Variants in CCDC78 observed in about 807,000 individuals in gnomAD.
CCDC78 encodes coiled-coil domain-containing protein 78.
In CCDC78, 78 loss-of-function variants were observed where a neutral mutation model predicts 61.9. The observed-to-expected ratio is 1.26, with a 90% CI of 1.05 to 1.52. The LOEUF is 1.52. Ranked by LOEUF, CCDC78 falls within the 40% of genes most tolerant of loss-of-function variation. CCDC78 has a pLI of 0.00. For missense variants in CCDC78, 737 were observed against 615.5 expected (o/e 1.20, Z -2.09); for synonymous variants, 287 against 251.9 (o/e 1.14, Z -1.32).
At chr16:726,146 C>G in intron 1 of CCDC78, 61 bp from the exon 2 acceptor site, 1 of 1,550,238 alleles carries the variant, frequency 6.5e-7, no homozygotes, top group East Asian at 2.4e-5. Flanking sequence ...GGCCCCACTC[C>G]CATGCAGTCA....
rs1596645805 is a variant in CCDC78, at chr16:726,378, A to G, written c.-11T>C. 2.0e-6 allele frequency: 3 copies of G among 1,523,850 alleles called. No homozygotes were observed. The highest frequency in any genetic ancestry group is 2.5e-5 in the South Asian group (2 of 81,382). The allele number at this position is 1,523,850 out of a possible 1,614,324, so 94.4% of individuals were successfully genotyped here. A position where few individuals can be genotyped will look rare whatever the true frequency, so the allele number is the denominator to read the frequency against. ...GGCTGCGTGCTCCATAGGCTAGGGA[A>G]CCCTGGCCAGCTCCGAGCCCGGTGC... On this transcript the variant is annotated 5_prime_UTR_variant, in exon 1 of 14. Coordinates refer to ENST00000345165, the MANE Select transcript of CCDC78 (RefSeq NM_001378030.1).
chr16:722,601 T>A lies in CCDC78; in HGVS notation c.*77A>T, dbSNP rs769881632. ...ACTCTGTGGGTTCTATCCTGACTCA[T>A]GTTTTATGGGGGGCTGGGTGGGAGG... On this transcript the variant is annotated 3_prime_UTR_variant, in exon 14 of 14. Transcript: ENST00000345165. 1 of 1,586,334 alleles carries A rather than the reference T, an allele frequency of 6.3e-7. No individual in the cohort carries two copies. The highest frequency in any genetic ancestry group is 8.6e-7 in the Non-Finnish European group (1 of 1,169,288).
Position 725,599 on chromosome 16 carries a change from G to T in CCDC78, c.268-19C>A, listed in dbSNP as rs1396117099. The T allele has an allele frequency of 6.9e-6, 11 of 1,601,618 alleles. No homozygotes were observed. The highest frequency in any genetic ancestry group is 3.4e-5 in the Admixed American group (2 of 59,426). On this transcript the variant is annotated intron_variant, in intron 3 of 13. Transcript: ENST00000345165. ...GAAGGATCTGTGGGACAACTGGCAT[G>T]AGCAGGTGCACCTGCCCGCGGGCCA...
rs780967551 is a variant in CCDC78, at chr16:722,986, G to C, written c.1237C>G (p.Arg413Gly). 1 of 1,612,444 alleles carries C rather than the reference G, an allele frequency of 6.2e-7. No individual in the cohort carries two copies. Residue 413 changes from arginine to glycine, a missense_variant, in exon 13 of 14, where the codon CGG (arginine) becomes GGG (glycine). By Grantham distance (125) the Arg-to-Gly change is moderately radical. Transcript: ENST00000345165. ...LERERAQLLV[R>G]ATMAEEQLSE... ...AGTTGCTCTTCAGCCATCGTGGCCC[G>C]GACCAGCAGCTGTGCCCGCTCCCGT...
intron 1 of CCDC78, 43 bp downstream of exon 1, chr16:726,265 A>T: frequency 6.5e-7 from 1 of 1,549,522 alleles, no homozygotes; most frequent in Non-Finnish European, 8.7e-7. Flanking sequence ...GAACGGGCAG[A>T]CTTCAACCCC....
Position 722,751 on chromosome 16 carries a change from C to T in CCDC78, c.1340G>A (p.Gly447Asp). 6.2e-7 allele frequency: 1 copy of T among 1,612,358 alleles called. No individual in the cohort carries two copies. The highest frequency in any genetic ancestry group is 8.5e-7 in the Non-Finnish European group (1 of 1,179,974). Residue 447 changes from glycine to aspartate, a missense_variant, in exon 14 of 14, where the codon GGT becomes GAT. Physicochemically the swap from Gly to Asp is moderately conservative, Grantham distance 94 (BLOSUM62 -1). Coordinates refer to ENST00000345165, the MANE Select transcript of CCDC78 (RefSeq NM_001378030.1). ...CCCCACTTTCCAGGGGTCCCCTGCA[C>T]CTGCCAGCTTCCTCAGCCTCAGGAT... ...HEILRLRKLA[G>D]AGDPWKVGAV... is the part of the protein sequence containing the mutation.
Position 725,876 on chromosome 16 carries a change from G to T in CCDC78, c.185C>A (p.Ser62Tyr). 6.2e-7 allele frequency: 1 copy of T among 1,609,814 alleles called. No homozygotes were observed. Among genetic ancestry groups the T allele is most frequent in the Non-Finnish European group, 8.5e-7 (1 of 1,178,090 alleles). Residue 62 changes from serine (S) to tyrosine (Y), a missense_variant, in exon 3 of 14, where the codon TCC becomes TAC. Coordinates refer to ENST00000345165, the MANE Select transcript of CCDC78 (RefSeq NM_001378030.1). ...GATCTGAATGTCGACCAGCTCCTTG[G>T]AGATCTGTGGGTGGCCAGGTGAGAG... ...ALNKEQQLQISKELVDIQITT... is the reference protein window; with the variant it reads ...ALNKEQQLQIYKELVDIQITT...
chr16:724,063 G>C (rs74968560), intron 10 of CCDC78, 43 bp downstream of exon 10: 1 of 896,728 alleles, frequency 1.1e-6, no homozygotes, highest in Non-Finnish European at 1.4e-6. Context: ...TGGGTGGGTG[G>C]GGGGCACCCG....
Position 726,017 on chromosome 16 carries a change from C to G in CCDC78, c.129G>C (p.Leu43Phe). 1 of 1,549,344 alleles carries G rather than the reference C, an allele frequency of 6.5e-7. No homozygotes were observed. Among genetic ancestry groups the G allele is most frequent in the Non-Finnish European group, 8.7e-7 (1 of 1,147,004 alleles). Reference protein sequence around the residue: ...PGGTAVWATSLEAEVPPDLAL... With the variant: ...PGGTAVWATSFEAEVPPDLAL... The stretch of plus-strand genomic sequence containing the variant: ...CTAGATCTGGTGGGACCTCTGCTTC[C>G]AAGCTGGTGGCCCACACTGCGGTGC... Residue 43 changes from leucine to phenylalanine, a missense_variant, in exon 2 of 14, where the codon TTG becomes TTC. Leu to Phe is a conservative substitution (Grantham distance 22). Transcript: ENST00000345165.
chr16:724,705 C>T lies in CCDC78; in HGVS notation c.741G>A (p.Leu247=), dbSNP rs1211222717. 1.2e-6 allele frequency: 2 copies of T among 1,611,704 alleles called. No individual in the cohort carries two copies. Among genetic ancestry groups the T allele is most frequent in the Admixed American group, 1.7e-5 (1 of 59,966 alleles). ...CCACTGCCTGCCAGGCGCAGTGTTG[C>T]AGCCGTAGGACGTACTCATCCTTCA... The part of the protein sequence containing the change: ...KKLKDEYVLR[L]QHCAWQAVEH... Residue 247 remains leucine, a synonymous_variant, in exon 8 of 14, where the codon CTG becomes CTA. Coordinates refer to ENST00000345165, the MANE Select transcript of CCDC78 (RefSeq NM_001378030.1).
rs1466584288 is a variant in CCDC78, at chr16:724,370, C to A, written c.905G>T (p.Arg302Met). 6.2e-7 allele frequency: 1 copy of A among 1,612,394 alleles called. No individual in the cohort carries two copies. Among genetic ancestry groups the A allele is most frequent in the East Asian group, 2.2e-5 (1 of 44,880 alleles). ...ATGCCTGCGGCTCAGATCCACCAGC[C>A]TCTTGTGGTAGCTGCGGGCAGCCCG... is the stretch of plus-strand genomic sequence containing the variant. ...LARAARSYHK[R>M]LVDLSRRHEE... Residue 302 changes from arginine (R) to methionine (M), a missense_variant, in exon 9 of 14, where the codon AGG becomes ATG. Transcript: ENST00000345165.
chr16:724,791 G>T lies in CCDC78; in HGVS notation c.655C>A (p.Gln219Lys). 1 of 1,612,148 alleles carries T rather than the reference G, an allele frequency of 6.2e-7. No homozygotes were observed. Among genetic ancestry groups the T allele is most frequent in the East Asian group, 2.2e-5 (1 of 44,874 alleles). ...GCCTCTGCCTGACGGAGCTGGCCTT[G>T]GCAGCTGCACAGCACCTGGGGTGGA... ...ATQAVVLCSC[Q>K]GQLRQAEAEN... Residue 219 changes from glutamine to lysine, a missense_variant, in exon 8 of 14, where the codon CAA becomes AAA. Physicochemically the swap from Gln to Lys is moderately conservative, Grantham distance 53 (BLOSUM62 1). Transcript: ENST00000345165.
At chr16:723,748 G>C in intron 11 of CCDC78, 109 bp downstream of exon 11, 2 of 1,002,036 alleles carry the variant, frequency 2.0e-6, no homozygotes, top group Non-Finnish European at 3.1e-6. Flanking sequence ...GCTGTGACCA[G>C]ACCCTGTCTG....
chr16:725,308 G>A lies in CCDC78; in HGVS notation c.436-15C>T. On this transcript the variant is annotated splice_polypyrimidine_tract_variant and intron_variant, in intron 4 of 13. Coordinates refer to ENST00000345165, the MANE Select transcript of CCDC78 (RefSeq NM_001378030.1). Reference sequence around the variant, plus strand: ...TTGGGCTGCACCTGAATGGAAGGGAGGGCAGGGAAAGCTAAGGGGTGGGTG... The same window carrying A: ...TTGGGCTGCACCTGAATGGAAGGGAAGGCAGGGAAAGCTAAGGGGTGGGTG... 1 of 1,608,940 alleles carries A rather than the reference G, an allele frequency of 6.2e-7. No individual in the cohort carries two copies. Among genetic ancestry groups the A allele is most frequent in the African/African-American group, 1.3e-5 (1 of 75,050 alleles).
In CCDC78 at chr16:724,982, G is replaced by T; in HGVS notation, c.568C>A (p.Leu190Met). 1 of 1,612,156 alleles carries T rather than the reference G, an allele frequency of 6.2e-7. No homozygotes were observed. Residue 190 changes from leucine to methionine, a missense_variant, in exon 7 of 14, where the codon CTG (leucine) becomes ATG (methionine). By Grantham distance (15) the Leu-to-Met change is conservative. Transcript: ENST00000345165. ...QQALVTRVAT[L>M]GRQLQGAREE... ...CGGGCTCCCTGCAGCTGCCGGCCCAGGGTTGCCCTGAAGACACGGGGGTGA... is the reference window on the plus strand; with the variant it reads ...CGGGCTCCCTGCAGCTGCCGGCCCATGGTTGCCCTGAAGACACGGGGGTGA...
At chr16:722,896 G>A in intron 13 of CCDC78, 26 bp downstream of exon 13, 2 of 1,611,120 alleles carry the variant, frequency 1.2e-6, no homozygotes, top group Non-Finnish European at 8.5e-7. Flanking sequence ...AGGGCCCTGG[G>A]GTCACACCCA....
intron 11 of CCDC78, chr16:723,435 G>C (rs1485343093): frequency 2.9e-6 from 2 of 695,046 alleles, no homozygotes; most frequent in East Asian, 2.7e-5. Flanking sequence ...CATCAACAGG[G>C]ATGCCACCCC....
chr16:723,498 T>C, intron 11 of CCDC78: 1 of 670,514 alleles, frequency 1.5e-6, no homozygotes, highest in East Asian at 2.9e-5. Context: ...GCCCTGCCCA[T>C]TGTACAGCTG....
upstream of CCDC78, chr16:726,542 A>G: frequency 1.5e-6 from 1 of 689,312 alleles, no homozygotes. Flanking sequence ...CTGAGGAGGG[A>G]GGATAGCTCT....
Sources: gnomAD v4.1 joint callset for allele counts on GRCh38, gnomAD v4.1.1 for gene constraint, MANE v1.5 for transcripts, NCBI Gene and HGNC (gene_info 2026-07-23, HGNC 2026-07-21) for gene names.